The following CDYL2 variants were observed in gnomAD, a reference collection of about 807,000 sequenced individuals.
The protein encoded by CDYL2 is chromodomain Y-like protein 2.
A neutral mutation model predicts 49.4 loss-of-function variants in CDYL2; 23 were observed. That is an observed-to-expected ratio of 0.47 (90% CI 0.34 to 0.66). The LOEUF (loss-of-function observed/expected upper bound fraction) is 0.66. Among genes scored for constraint, CDYL2 ranks in the 30% least tolerant of loss-of-function variants. The pLI, the probability that CDYL2 is intolerant of heterozygous loss-of-function variation, is 0.01. For missense variants in CDYL2, 678 were observed against 656.4 expected (o/e 1.03, Z -0.36); for synonymous variants, 360 against 268.8 (o/e 1.34, Z -3.32).
chr16:80,777,290 CAT>C (rs1907119181), intron 1 of CDYL2, among the ~76,000 whole-genome samples: 1 of 151,624 alleles, frequency 6.6e-6, no homozygotes, highest in African/African-American at 2.4e-5. Context: ...TTAAATTATA[CAT>C]ATATATTTTT....
At chr16:80,611,882 C>T (rs543975002) in intron 5 of CDYL2, among the ~76,000 whole-genome samples, 3 of 152,246 alleles carry the variant, frequency 2.0e-5, no homozygotes, top group Non-Finnish European at 4.4e-5. Context: ...CCACAGCTTA[C>T]AGTGGACTCC....
chr16:80,698,425 A>C (rs912769320), intron 1 of CDYL2, among the ~76,000 whole-genome samples: 1 of 152,204 alleles, frequency 6.6e-6, no homozygotes, highest in African/African-American at 2.4e-5. Context: ...CAAATAGCTG[A>C]ATTAAAAAAT....
At position 80,601,748 on chromosome 16, in the gene CDYL2, G is replaced by C. The variant is rs555032844; in HGVS notation, c.*2640C>G. 6.6e-6 allele frequency: 1 copy of C among 152,112 alleles called. No homozygotes were observed. Among genetic ancestry groups the C allele is most frequent in the African/African-American group, 2.4e-5 (1 of 41,402 alleles). 9.4% of individuals were successfully genotyped at this position (152,112 alleles called of 1,614,324 possible). A position where few individuals can be genotyped will look rare whatever the true frequency, so the allele number is the denominator to read the frequency against. On this transcript the variant is annotated 3_prime_UTR_variant, in exon 7 of 7. Transcript: ENST00000570137. ...GATTTCACCTGCTTTCACCCAATTG[G>C]TGGAACTGACTGTATGGAAACAACC...
At position 80,727,874 on chromosome 16, in the gene CDYL2, T is replaced by C. The variant is rs1019738554; in HGVS notation, c.25-42745A>G. Among the ~76,000 whole-genome samples the C allele has an allele frequency of 4.6e-5, 7 of 152,024 alleles. No homozygotes were observed. The South Asian group carries it at 8.3e-4, about 18-fold the overall frequency. ...CACACGGCCAGGTACTCCAACAGAC[T>C]TGCAGCTGAGGGTCCTGTCTGTTAG... On this transcript the variant is annotated intron_variant, in intron 1 of 6. Transcript: ENST00000570137.
chr16:80,765,792 G>A (rs1476435264), intron 1 of CDYL2, among the ~76,000 whole-genome samples: 1 of 142,136 alleles, frequency 7.0e-6, no homozygotes, highest in Non-Finnish European at 1.5e-5. Flanking sequence ...GGTAGCTCTG[G>A]CTACCTGGGA....
intron 6 of CDYL2, 79 bp from the exon 7 acceptor site, chr16:80,604,625 C>T (rs1396815839): frequency 9.6e-6 from 14 of 1,457,778 alleles, no homozygotes; most frequent in Non-Finnish European, 1.3e-5. Context: ...CCATGGGGCA[C>T]TGGCCAACCT....
intron 2 of CDYL2, among the ~76,000 whole-genome samples, chr16:80,635,851 G>C (rs376347860): frequency 5.3e-5 from 8 of 152,266 alleles, no homozygotes; most frequent in African/African-American, 1.9e-4. Flanking sequence ...GCATGGTACT[G>C]GTACCAAAAC....
intron 2 of CDYL2, among the ~76,000 whole-genome samples, chr16:80,679,572 C>A (rs930808646): frequency 1.3e-5 from 2 of 152,228 alleles, no homozygotes; most frequent in African/African-American, 4.8e-5. Flanking sequence ...GAGGATCACA[C>A]AAGGTACTTT....
chr16:80,759,160 T>TTA lies in CDYL2; in HGVS notation c.24+44988_24+44989dup, dbSNP rs1324733452. On this transcript the variant is annotated intron_variant, in intron 1 of 6. Transcript: ENST00000570137. ...TATATGGTTTATATAAATATATGGT[T>TTA]TATATATATATATATGGTGTGTATA... is the stretch of plus-strand genomic sequence containing the variant. Among the ~76,000 whole-genome samples, 63 of 128,104 alleles carry TTA rather than the reference T, an allele frequency of 4.9e-4. 1 individual carries two copies. Among genetic ancestry groups the TTA allele is most frequent in the African/African-American group, 8.7e-4 (29 of 33,516 alleles). 84.0% of individuals were successfully genotyped at this position (128,104 alleles called of 152,430 possible).
intron 3 of CDYL2, chr16:80,632,645 C>A: frequency 4.0e-6 from 1 of 251,682 alleles, no homozygotes; most frequent in Non-Finnish European, 7.9e-6. Context: ...GATACATTAA[C>A]TGAGTGAATT....
rs140501776 is a variant in CDYL2, at chr16:80,746,550, C to G, written c.24+57600G>C. 2.9e-3 allele frequency among the ~76,000 whole-genome samples: 444 copies of G among 152,278 alleles called. 2 individuals carry two copies. Among genetic ancestry groups the G allele is most frequent in the African/African-American group, 0.01 (425 of 41,556 alleles). On this transcript the variant is annotated intron_variant, in intron 1 of 6. Coordinates refer to ENST00000570137, the MANE Select transcript of CDYL2 (RefSeq NM_152342.4). ...TCAGTACTGAAGACAGGAAAAGTAA[C>G]CCCAAGAATGTAGGGCAAAGGAAGC...
chr16:80,683,217 C>T (rs978922260), intron 2 of CDYL2, among the ~76,000 whole-genome samples: 2 of 152,232 alleles, frequency 1.3e-5, no homozygotes, highest in East Asian at 1.9e-4. Flanking sequence ...TGGCCCTGCC[C>T]TGTTGGGCAA....
At chr16:80,791,911 T>G (rs1907622495) in intron 1 of CDYL2, among the ~76,000 whole-genome samples, 1 of 152,192 alleles carries the variant, frequency 6.6e-6, no homozygotes, top group Admixed American at 6.5e-5. Context: ...TGCAGAAATA[T>G]CAGCTGAGAG....
At chr16:80,772,244 A>T (rs1429386118) in intron 1 of CDYL2, among the ~76,000 whole-genome samples, 1 of 152,200 alleles carries the variant, frequency 6.6e-6, no homozygotes, top group Non-Finnish European at 1.5e-5. Flanking sequence ...TTAGAAAATA[A>T]TTTCAGGTAG....
intron 1 of CDYL2, among the ~76,000 whole-genome samples, chr16:80,742,722 G>C (rs1395379285): frequency 6.6e-6 from 1 of 151,632 alleles, no homozygotes; most frequent in Non-Finnish European, 1.5e-5. Context: ...GTATGGATGG[G>C]TGACAGGGTA....
chr16:80,801,317 C>G (rs1224272732), intron 1 of CDYL2, among the ~76,000 whole-genome samples: 2 of 152,220 alleles, frequency 1.3e-5, no homozygotes, highest in African/African-American at 4.8e-5. Context: ...AGCTTGATTT[C>G]TTATTTCTTC....
intron 1 of CDYL2, among the ~76,000 whole-genome samples, chr16:80,785,741 C>T (rs1004519260): frequency 2.0e-5 from 3 of 152,172 alleles, no homozygotes; most frequent in Non-Finnish European, 2.9e-5. Flanking sequence ...AACAAAACAG[C>T]ATAGTACTGG....
chr16:80,654,461 T>C (rs1026437222), intron 2 of CDYL2, among the ~76,000 whole-genome samples: 5 of 152,204 alleles, frequency 3.3e-5, no homozygotes, highest in African/African-American at 9.7e-5. Context: ...CTGGTAATAT[T>C]TGCTGTCTCT....
At chr16:80,632,243 A>C (rs968554691) in intron 3 of CDYL2, among the ~76,000 whole-genome samples, 5 of 152,236 alleles carry the variant, frequency 3.3e-5, no homozygotes, top group Admixed American at 3.3e-4. Flanking sequence ...CCATAAAAGG[A>C]ATGAAGTATG....
Sources: allele counts gnomAD v4.1 joint callset (sites outside exome capture counted in the v4.1 genomes callset), GRCh38; gene constraint gnomAD v4.1.1; transcripts MANE v1.5; gene names NCBI Gene and HGNC (gene_info 2026-07-23, HGNC 2026-07-21).